The following CNTNAP2 variants were observed in gnomAD, a reference collection of about 807,000 sequenced individuals.
CNTNAP2 encodes contactin associated protein 2, also known as contactin-associated protein-like 2.
In CNTNAP2, 98 loss-of-function variants were observed where a neutral mutation model predicts 155.2. That is an observed-to-expected ratio of 0.63 (90% CI 0.54 to 0.75). The LOEUF (loss-of-function observed/expected upper bound fraction) is 0.75. Among genes scored for constraint, CNTNAP2 ranks in the 30% least tolerant of loss-of-function variants. CNTNAP2 has a pLI of 0.00. For missense variants in CNTNAP2, 1,727 were observed against 1,688.1 expected (o/e 1.02, Z -0.40); for synonymous variants, 651 against 631.2 (o/e 1.03, Z -0.47).
At chr7:147,999,781 G>A (rs912625718) in intron 15 of CNTNAP2, among the ~76,000 whole-genome samples, 1 of 152,084 alleles carries the variant, frequency 6.6e-6, no homozygotes, top group Non-Finnish European at 1.5e-5. Context: ...AAAAATGGAG[G>A]TAGAAGTTGC....
At chr7:146,294,509 A>G (rs944221007) in intron 1 of CNTNAP2, among the ~76,000 whole-genome samples, 5 of 152,224 alleles carry the variant, frequency 3.3e-5, no homozygotes, top group Non-Finnish European at 7.3e-5. Flanking sequence ...CGTTGTGTTA[A>G]CTAATGCAAA....
intron 1 of CNTNAP2, among the ~76,000 whole-genome samples, chr7:146,506,838 G>A (rs918064110): frequency 6.6e-6 from 1 of 152,196 alleles, no homozygotes; most frequent in Non-Finnish European, 1.5e-5. Flanking sequence ...GCTGGACCAT[G>A]ACAGCAGTCC....
At chr7:146,939,450 G>GT (rs1008243404) in intron 3 of CNTNAP2, among the ~76,000 whole-genome samples, 3 of 152,092 alleles carry the variant, frequency 2.0e-5, no homozygotes, top group South Asian at 2.1e-4. Context: ...AAAACTTCGG[G>GT]TTTTTTTATT....
At chr7:147,215,732 A>T (rs965400291) in intron 8 of CNTNAP2, among the ~76,000 whole-genome samples, 11 of 152,154 alleles carry the variant, frequency 7.2e-5, no homozygotes, top group African/African-American at 1.9e-4. Flanking sequence ...GGATCATACC[A>T]TAAGAGTATG....
intron 14 of CNTNAP2, among the ~76,000 whole-genome samples, chr7:147,912,940 G>T (rs1204191189): frequency 6.6e-6 from 1 of 152,134 alleles, no homozygotes; most frequent in Non-Finnish European, 1.5e-5. Context: ...CTGGGACCTG[G>T]GTTTGTTGAG....
At chr7:146,668,903 G>T (rs1057166765) in intron 1 of CNTNAP2, among the ~76,000 whole-genome samples, 17 of 151,826 alleles carry the variant, frequency 1.1e-4, no homozygotes, top group Non-Finnish European at 2.4e-4. Flanking sequence ...TTTATTGCTA[G>T]TTAGCCCATA....
chr7:146,774,529 C>A (rs1802354372), intron 2 of CNTNAP2, 148 bp downstream of exon 2: 1 of 644,912 alleles, frequency 1.6e-6, no homozygotes, highest in African/African-American at 1.8e-5. Context: ...CCATAGATGC[C>A]ATTAACCTCT....
At chr7:146,566,891 A>G (rs1422407368) in intron 1 of CNTNAP2, among the ~76,000 whole-genome samples, 1 of 152,164 alleles carries the variant, frequency 6.6e-6, no homozygotes, top group Non-Finnish European at 1.5e-5. Context: ...GCTAAAAGAA[A>G]AATATCCATC....
At chr7:146,257,019 T>G (rs1272460749) in intron 1 of CNTNAP2, among the ~76,000 whole-genome samples, 1 of 152,246 alleles carries the variant, frequency 6.6e-6, no homozygotes, top group Non-Finnish European at 1.5e-5. Flanking sequence ...TTGGTTTGTT[T>G]GTTTTTAGCA....
At chr7:148,179,536 GGAGTGAGA>G (rs560979686) in intron 18 of CNTNAP2, among the ~76,000 whole-genome samples, 3,073 of 146,602 alleles carry the variant, frequency 0.021, 127 homozygotes, top group African/African-American at 0.072. Context: ...GGAGAGAGAG[GGAGTGAGA>G]GAGGGAGAGA....
intron 4 of CNTNAP2, among the ~76,000 whole-genome samples, chr7:147,054,983 G>A (rs534967802): frequency 9.9e-5 from 15 of 152,064 alleles, no homozygotes; most frequent in South Asian, 4.2e-4. Context: ...TTTCATGCTC[G>A]TTTGGCTGGA....
intron 1 of CNTNAP2, among the ~76,000 whole-genome samples, chr7:146,397,871 C>CTTTTTTTTTTT (rs1438446898): frequency 1.6e-5 from 2 of 126,916 alleles, no homozygotes; most frequent in African/African-American, 3.4e-5. Context: ...ATTTGACAGG[C>CTTTTTTTTTTT]TTTTATTTAT....
intron 8 of CNTNAP2, among the ~76,000 whole-genome samples, chr7:147,145,870 T>C (rs2129288326): frequency 6.6e-6 from 1 of 152,300 alleles, no homozygotes; most frequent in East Asian, 1.9e-4. Flanking sequence ...ATAAGAGAGT[T>C]CTCCCGGTAC....
chr7:147,424,095 G>A (rs944277604), intron 10 of CNTNAP2, among the ~76,000 whole-genome samples: 2 of 152,044 alleles, frequency 1.3e-5, no homozygotes, highest in Non-Finnish European at 2.9e-5. Flanking sequence ...ACCTTCAGTG[G>A]GACCCTGGTG....
At chr7:146,349,088 G>C (rs563109171) in intron 1 of CNTNAP2, among the ~76,000 whole-genome samples, 22 of 152,264 alleles carry the variant, frequency 1.4e-4, no homozygotes, top group African/African-American at 5.1e-4. Flanking sequence ...TGGTTAAAGG[G>C]TTTGCCTGAT....
chr7:147,202,356 G>A (rs886863011), intron 8 of CNTNAP2, among the ~76,000 whole-genome samples: 1 of 151,610 alleles, frequency 6.6e-6, no homozygotes, highest in Non-Finnish European at 1.5e-5. Flanking sequence ...GAAAATAAAT[G>A]GTAAAAAGTA....
chr7:147,071,296 A>G (rs1054905224), intron 4 of CNTNAP2, among the ~76,000 whole-genome samples: 9 of 151,684 alleles, frequency 5.9e-5, no homozygotes, highest in Admixed American at 2.0e-4. Flanking sequence ...AAAGTTATTC[A>G]GCTAACAGGT....
At chr7:147,411,737 A>C (rs1208331897) in intron 10 of CNTNAP2, among the ~76,000 whole-genome samples, 1 of 152,182 alleles carries the variant, frequency 6.6e-6, no homozygotes. Flanking sequence ...AGCCAGATTT[A>C]ATCACAACCA....
At chr7:148,147,771 A>T (rs1433546955) in intron 17 of CNTNAP2, 62 bp downstream of exon 17, 1 of 99,218 alleles carries the variant, frequency 1.0e-5, no homozygotes, top group African/African-American at 1.0e-4. Context: ...TGCACAATAC[A>T]AAAAAAAAAA....
Sources: allele counts gnomAD v4.1 joint callset (sites outside exome capture counted in the v4.1 genomes callset), GRCh38; gene constraint gnomAD v4.1.1; transcripts MANE v1.5; gene names NCBI Gene and HGNC (gene_info 2026-07-23, HGNC 2026-07-21).